Variants in CDK2 observed in about 807,000 individuals in gnomAD.
The protein encoded by CDK2 is cyclin dependent kinase 2, also known as cyclin-dependent kinase 2.
Under a neutral mutation model 35.0 loss-of-function variants are expected in CDK2, and 8 were observed. That is an observed-to-expected ratio of 0.23 (90% CI 0.13 to 0.41). The LOEUF (loss-of-function observed/expected upper bound fraction) is 0.41, where lower values mean the gene tolerates loss of function less well. CDK2 is among the 10% of genes least tolerant of loss of function. The pLI is 1.00. For missense variants in CDK2, 201 were observed against 367.1 expected (o/e 0.55, Z 3.70); for synonymous variants, 134 against 137.7 (o/e 0.97, Z 0.19).
At chr12:55,968,730 C>G (rs766071586) in intron 3 of CDK2, 48 bp from the exon 4 acceptor site, 1 of 1,457,884 alleles carries the variant, frequency 6.9e-7, no homozygotes, top group Middle Eastern at 2.4e-4. Flanking sequence ...CAAACCCAGT[C>G]TGCTCACTGT....
chr12:55,970,233 T>C (rs557738102), intron 5 of CDK2, among the ~76,000 whole-genome samples: 4 of 131,050 alleles, frequency 3.1e-5, no homozygotes, highest in Admixed American at 1.0e-4. Flanking sequence ...GAGGTTGCAG[T>C]GACCAAGATT....
intron 5 of CDK2, among the ~76,000 whole-genome samples, chr12:55,970,288 CAAAAAAAAAAAA>C (rs60371110): frequency 0.12 from 2,698 of 21,854 alleles, 93 homozygotes; most frequent in African/African-American, 0.2. Context: ...GATTCCATCT[CAAAAAAAAAAAA>C]AAAAAAAAAA....
Position 55,972,442 on chromosome 12 carries a change from G to C in CDK2, c.*817G>C, listed in dbSNP as rs183769262. ...TCCACCTCCTACCCCATAGGAGTTA[G>C]AAGTTAGGGTTTAGGCATCATTTTG... On this transcript the variant is annotated 3_prime_UTR_variant, in exon 7 of 7. Coordinates refer to ENST00000266970, the MANE Select transcript of CDK2 (RefSeq NM_001798.5). The C allele has an allele frequency of 1.3e-5, 2 of 152,222 alleles. No individual in the cohort carries two copies. The highest frequency in any genetic ancestry group is 4.8e-5 in the African/African-American group (2 of 41,450). 9.4% of individuals were successfully genotyped at this position (152,222 alleles called of 1,614,324 possible). A position where few individuals can be genotyped will look rare whatever the true frequency, so the allele number is the denominator to read the frequency against.
chr12:55,968,758 C>T lies in CDK2; in HGVS notation c.316-20C>T. Reference sequence around the variant, plus strand: ...CTCACTGTAATGGAGAAACACAGTCCTCTCTTTCTCCTTTGTCAGAGCTAT... The same window carrying T: ...CTCACTGTAATGGAGAAACACAGTCTTCTCTTTCTCCTTTGTCAGAGCTAT... On this transcript the variant is annotated intron_variant, in intron 3 of 6. Coordinates refer to ENST00000266970, the MANE Select transcript of CDK2 (RefSeq NM_001798.5). The T allele has an allele frequency of 6.4e-7, 1 of 1,564,068 alleles. No homozygotes were observed. Among genetic ancestry groups the T allele is most frequent in the Non-Finnish European group, 8.6e-7 (1 of 1,157,362 alleles).
In CDK2 at chr12:55,967,798, G is replaced by C. The variant is rs1403842988; in HGVS notation, c.117-59G>C. ...CCTTGGGGGAAAGAAATGACTAGGT[G>C]GGGGGGAAAGGAATATTTGTAACCA... is the stretch of plus-strand genomic sequence containing the variant. On this transcript the variant is annotated intron_variant, in intron 1 of 6. Coordinates refer to ENST00000266970, the MANE Select transcript of CDK2 (RefSeq NM_001798.5). 4.2e-5 allele frequency: 59 copies of C among 1,396,250 alleles called. 1 individual carries two copies. Among genetic ancestry groups the C allele is most frequent in the South Asian group, 1.5e-4 (13 of 86,600 alleles). 86.5% of individuals were successfully genotyped at this position (1,396,250 alleles called of 1,614,324 possible).
chr12:55,970,512 A>G, intron 5 of CDK2: 1 of 655,404 alleles, frequency 1.5e-6, no homozygotes, highest in Non-Finnish European at 2.8e-6. Flanking sequence ...TAGCCTATAC[A>G]TATGTAATGT....
In CDK2 at chr12:55,971,373, G is replaced by A. The variant is rs1329150168; in HGVS notation, c.792+126G>A. 10 of 1,107,812 alleles carry A rather than the reference G, an allele frequency of 9.0e-6. No homozygotes were observed. In the East Asian group the frequency reaches 1.9e-4, roughly 21 times the overall value. 68.6% of individuals were successfully genotyped at this position (1,107,812 alleles called of 1,614,324 possible). A position where few individuals can be genotyped will look rare whatever the true frequency, so the allele number is the denominator to read the frequency against. ...CATTTCCCTGGTTCCTGCTCTCCCT[G>A]TTGGCACACTGATTCAGCTATGGGA... On this transcript the variant is annotated intron_variant, in intron 6 of 6. Coordinates refer to ENST00000266970, the MANE Select transcript of CDK2 (RefSeq NM_001798.5).
At position 55,971,036 on chromosome 12, in the gene CDK2, A is replaced by G. The variant is rs1299348923; in HGVS notation, c.589-8A>G. The G allele has an allele frequency of 4.3e-6, 7 of 1,613,040 alleles. No homozygotes were observed. The highest frequency in any genetic ancestry group is 3.3e-5 in the South Asian group (3 of 91,046). On this transcript the variant is annotated splice_polypyrimidine_tract_variant and splice_region_variant and intron_variant, in intron 5 of 6. Coordinates refer to ENST00000266970, the MANE Select transcript of CDK2 (RefSeq NM_001798.5). ...GGGTCTTGGTATTTCCTCTTTCCCCATTTTCAGGTGACTCGCCGGGCCCTA... is the reference window on the plus strand; with the variant it reads ...GGGTCTTGGTATTTCCTCTTTCCCCGTTTTCAGGTGACTCGCCGGGCCCTA...
chr12:55,968,818 A>G lies in CDK2; in HGVS notation c.356A>G (p.His119Arg). The G allele has an allele frequency of 6.2e-7, 1 of 1,603,254 alleles. No homozygotes were observed. The highest frequency in any genetic ancestry group is 8.5e-7 in the Non-Finnish European group (1 of 1,175,394). ...CTGCTCCAGGGCCTAGCTTTCTGCCATTCTCATCGGGTCCTCCACCGAGAC... is the reference window on the plus strand; with the variant it reads ...CTGCTCCAGGGCCTAGCTTTCTGCCGTTCTCATCGGGTCCTCCACCGAGAC... Reference protein sequence around the residue: ...FQLLQGLAFCHSHRVLHRDLK... With the variant: ...FQLLQGLAFCRSHRVLHRDLK... The change falls in exon 4 of 7, where the codon CAT becomes CGT. Residue 119 changes from histidine (H) to arginine (R), a missense_variant. Around this residue, in one of 5 missense-constraint regions of CDK2, gnomAD observed 47 missense variants for 59.5 expected, o/e 0.79. Coordinates refer to ENST00000266970, the MANE Select transcript of CDK2 (RefSeq NM_001798.5).
rs1889472814 is a variant in CDK2, at chr12:55,971,503, A to G, written c.793-18A>G. The stretch of plus-strand genomic sequence containing the variant: ...CCACTATCACATCATTGAAGTCAAC[A>G]TGCATCTCTCCCTCTAGCAAATGCT... On this transcript the variant is annotated intron_variant, in intron 6 of 6. Coordinates refer to ENST00000266970, the MANE Select transcript of CDK2 (RefSeq NM_001798.5). The G allele has an allele frequency of 1.9e-6, 3 of 1,583,858 alleles. No homozygotes were observed. Among genetic ancestry groups the G allele is most frequent in the Middle Eastern group, 3.3e-4 (2 of 5,998 alleles).
At chr12:55,969,127 C>A (rs562347671) in intron 4 of CDK2, among the ~76,000 whole-genome samples, 179 bp downstream of exon 4, 3 of 152,222 alleles carry the variant, frequency 2.0e-5, no homozygotes, top group African/African-American at 7.2e-5. Context: ...TGGGCCCACA[C>A]CTGTAATACC....
At position 55,967,179 on chromosome 12, in the gene CDK2, C is replaced by T. The variant is rs750300173; in HGVS notation, c.116+55C>T. The T allele has an allele frequency of 3.8e-6, 5 of 1,325,626 alleles. No homozygotes were observed. In the East Asian group the frequency reaches 9.6e-5, roughly 26 times the overall value. The allele number at this position is 1,325,626 out of a possible 1,614,324, so 82.1% of individuals were successfully genotyped here. On this transcript the variant is annotated intron_variant, in intron 1 of 6. Coordinates refer to ENST00000266970, the MANE Select transcript of CDK2 (RefSeq NM_001798.5). The stretch of plus-strand genomic sequence containing the variant: ...ACTGGGGACCTCCTTGATTGTCCCC[C>T]CCAACCCCCCACGGGCGGGTAGCCG...
In CDK2 at chr12:55,967,646, A is replaced by C. The variant is rs1357070590; in HGVS notation, c.117-211A>C. The C allele has an allele frequency of 8.8e-6, 5 of 568,986 alleles. No homozygotes were observed. The African/African-American group carries it at 9.4e-5, about 11-fold the overall frequency. The allele number at this position is 568,986 out of a possible 1,614,324, so 35.2% of individuals were successfully genotyped here. ...CTTCACCAGGCGGCTTTACTTACCT[A>C]CCCCTGGGAAAAGAGGAGATAATGG... On this transcript the variant is annotated intron_variant, in intron 1 of 6. Coordinates refer to ENST00000266970, the MANE Select transcript of CDK2 (RefSeq NM_001798.5).
Position 55,966,967 on chromosome 12 carries a change from C to G in CDK2, c.-42C>G. The G allele has an allele frequency of 1.3e-6, 2 of 1,493,902 alleles. No homozygotes were observed. Among genetic ancestry groups the G allele is most frequent in the Admixed American group, 1.8e-5 (1 of 54,870 alleles). 92.5% of individuals were successfully genotyped at this position (1,493,902 alleles called of 1,614,324 possible). A position where few individuals can be genotyped will look rare whatever the true frequency, so the allele number is the denominator to read the frequency against. ...GTCCGCCTTCTGCAGGGTTCCCAGG[C>G]CCCCGCTCCAGGGCCGGGCTGACCC... On this transcript the variant is annotated 5_prime_UTR_variant, in exon 1 of 7. Transcript: ENST00000266970.
intron 4 of CDK2, among the ~76,000 whole-genome samples, chr12:55,969,229 C>T (rs1336846423): frequency 6.6e-6 from 1 of 151,942 alleles, no homozygotes; most frequent in Non-Finnish European, 1.5e-5. Context: ...CTCTACAAAT[C>T]TACAAAAAGA....
At position 55,972,788 on chromosome 12, in the gene CDK2, C is replaced by T. The variant is rs1222205746; in HGVS notation, c.*1163C>T. ...AAAAAATGTGCCTAGTTTTATAGTT[C>T]ATCTCTTTCCTCCTCTTATTTACTG... On this transcript the variant is annotated 3_prime_UTR_variant, in exon 7 of 7. Coordinates refer to ENST00000266970, the MANE Select transcript of CDK2 (RefSeq NM_001798.5). The T allele has an allele frequency of 6.6e-6, 1 of 151,582 alleles. No individual in the cohort carries two copies. Among genetic ancestry groups the T allele is most frequent in the East Asian group, 1.9e-4 (1 of 5,178 alleles). The allele number at this position is 151,582 out of a possible 1,614,324, so 9.4% of individuals were successfully genotyped here.
chr12:55,969,135 A>G (rs1889412114), intron 4 of CDK2, among the ~76,000 whole-genome samples, 187 bp downstream of exon 4: 1 of 152,070 alleles, frequency 6.6e-6, no homozygotes, highest in African/African-American at 2.4e-5. Context: ...CACCTGTAAT[A>G]CCAATACTTT....
Position 55,968,861 on chromosome 12 carries a change from G to C in CDK2, c.399G>C (p.Leu133=), listed in dbSNP as rs1375038016. Residue 133 remains leucine, a synonymous_variant, in exon 4 of 7, where the codon CTG becomes CTC. Coordinates refer to ENST00000266970, the MANE Select transcript of CDK2 (RefSeq NM_001798.5). ...VLHRDLKPQN[L]LINTEGAIKL... ...ACCGAGACCTTAAACCTCAGAATCT[G>C]CTTATTAACACAGAGGGGGCCATCA... is the stretch of plus-strand genomic sequence containing the variant. The C allele has an allele frequency of 2.5e-6, 4 of 1,612,514 alleles. No homozygotes were observed. The Admixed American group carries it at 6.7e-5, about 27-fold the overall frequency.
Position 55,969,594 on chromosome 12 carries a change from A to G in CDK2, c.588+18A>G, listed in dbSNP as rs1254943438. ...CTGAGATGGTATGGAGGCTTGCCCA[A>G]GTTCCACCCAGCCCCCTCCCTCTCC... On this transcript the variant is annotated intron_variant, in intron 5 of 6. Coordinates refer to ENST00000266970, the MANE Select transcript of CDK2 (RefSeq NM_001798.5). 6.8e-7 allele frequency: 1 copy of G among 1,463,938 alleles called. No individual in the cohort carries two copies. The highest frequency in any genetic ancestry group is 1.4e-5 in the African/African-American group (1 of 71,134). The allele number at this position is 1,463,938 out of a possible 1,614,324, so 90.7% of individuals were successfully genotyped here.
Sources: gnomAD v4.1 joint callset for allele counts (sites outside exome capture counted in the v4.1 genomes callset) on GRCh38, gnomAD v4.1.1 for gene constraint, gnomAD v4.1.1 regional missense constraint, MANE v1.5 for transcripts, NCBI Gene and HGNC (gene_info 2026-07-23, HGNC 2026-07-21) for gene names.